The following PLXNA4 variants were observed in gnomAD, a reference collection of about 807,000 sequenced individuals.
The protein encoded by PLXNA4 is plexin-A4.
In PLXNA4, 44 loss-of-function variants were observed where a neutral mutation model predicts 191.8. The ratio of observed to expected loss-of-function variants is 0.23; its 90% CI spans 0.18 to 0.29. The LOEUF (loss-of-function observed/expected upper bound fraction) is 0.29, where lower values mean the gene tolerates loss of function less well. PLXNA4 is among the 10% of genes least tolerant of loss of function. The probability of loss-of-function intolerance (pLI) is 1.00; values close to 1 mark genes in which losing one functional copy is unlikely to be tolerated. For missense variants in PLXNA4, 1,800 were observed against 2,488.8 expected (o/e 0.72, Z 5.89); for synonymous variants, 1,082 against 1,009.5 (o/e 1.07, Z -1.36).
chr7:132,616,596 CT>C (rs1371511966), intron 2 of PLXNA4, among the ~76,000 whole-genome samples: 1 of 152,170 alleles, frequency 6.6e-6, no homozygotes, highest in African/African-American at 2.4e-5. Flanking sequence ...ATCACATAAA[CT>C]ACATGTCTAA....
At chr7:132,479,577 G>A (rs1797259421) in intron 3 of PLXNA4, among the ~76,000 whole-genome samples, 1 of 152,246 alleles carries the variant, frequency 6.6e-6, no homozygotes, top group African/African-American at 2.4e-5. Context: ...GGGAGAGAAT[G>A]CCGCCCGGCA....
chr7:132,612,391 T>C (rs1803066560), intron 2 of PLXNA4, among the ~76,000 whole-genome samples: 1 of 152,154 alleles, frequency 6.6e-6, no homozygotes, highest in Non-Finnish European at 1.5e-5. Flanking sequence ...CCAGGCGCGG[T>C]GGCTCATGAC....
At chr7:132,166,091 G>T (rs1284070909) in intron 22 of PLXNA4, among the ~76,000 whole-genome samples, 1 of 151,982 alleles carries the variant, frequency 6.6e-6, no homozygotes, top group African/African-American at 2.4e-5. Context: ...CAGCTACTTG[G>T]GAGGCTGAGG....
At chr7:132,562,988 C>CCCTTCTCCTCCTT (rs1563175167) in intron 1 of PLXNA4, among the ~76,000 whole-genome samples, 2 of 67,356 alleles carry the variant, frequency 3.0e-5, no homozygotes, top group African/African-American at 1.9e-4. Context: ...TCCTCCTTCT[C>CCCTTCTCCTCCTT]CTCCTCCTCC....
intron 4 of PLXNA4, among the ~76,000 whole-genome samples, chr7:132,265,357 T>TTAAC (rs1799809352): frequency 2.0e-5 from 3 of 152,210 alleles, no homozygotes; most frequent in Non-Finnish European, 4.4e-5. Flanking sequence ...TATCCCAAGC[T>TTAAC]AAGTACTGTG....
intron 9 of PLXNA4, among the ~76,000 whole-genome samples, chr7:132,219,122 C>T (rs2116936827): frequency 6.6e-6 from 1 of 152,344 alleles, no homozygotes; most frequent in South Asian, 2.1e-4. Context: ...CAAAAGGACA[C>T]TGTCTGCATC....
At chr7:132,211,687 G>A (rs1797806618) in intron 9 of PLXNA4, among the ~76,000 whole-genome samples, 1 of 152,170 alleles carries the variant, frequency 6.6e-6, no homozygotes, top group Admixed American at 6.5e-5. Flanking sequence ...TTCTGGAATG[G>A]GCCCCAGAGG....
chr7:132,153,985 G>C (rs1252326405), intron 25 of PLXNA4, among the ~76,000 whole-genome samples: 1 of 152,166 alleles, frequency 6.6e-6, no homozygotes, highest in East Asian at 1.9e-4. Context: ...AGGGTGGAAG[G>C]AGCCACTAAC....
intron 3 of PLXNA4, among the ~76,000 whole-genome samples, chr7:132,392,687 A>G (rs1431612787): frequency 1.3e-5 from 2 of 152,212 alleles, no homozygotes; most frequent in African/African-American, 4.8e-5. Context: ...TTACTGTGGC[A>G]ACAGCCAGGC....
intron 3 of PLXNA4, among the ~76,000 whole-genome samples, chr7:132,343,949 G>A (rs1233280979): frequency 1.3e-5 from 2 of 152,122 alleles, no homozygotes; most frequent in African/African-American, 4.8e-5. Context: ...TGCACAAGCA[G>A]GTACTACCTC....
chr7:132,592,807 A>T (rs991504725), intron 2 of PLXNA4, among the ~76,000 whole-genome samples: 6 of 152,050 alleles, frequency 3.9e-5, no homozygotes, highest in African/African-American at 1.4e-4. Context: ...AAGCAAGGCT[A>T]AGGCAGTTAA....
intron 3 of PLXNA4, among the ~76,000 whole-genome samples, chr7:132,461,301 C>A (rs1353968824): frequency 6.6e-6 from 1 of 152,124 alleles, no homozygotes; most frequent in Admixed American, 6.5e-5. Flanking sequence ...GCATGAATGG[C>A]TGAAGTTAAA....
chr7:132,512,410 G>A (rs1372092926), intron 1 of PLXNA4, among the ~76,000 whole-genome samples: 7 of 152,176 alleles, frequency 4.6e-5, no homozygotes, highest in African/African-American at 1.7e-4. Context: ...ATTAGGCACT[G>A]AAAGGAGACA....
chr7:132,168,463 C>A lies in PLXNA4; in HGVS notation c.4127G>T (p.Arg1376Leu), dbSNP rs750458788. Residue 1376 changes from arginine to leucine, a missense_variant, in exon 22 of 32, where the codon CGT becomes CTT. Physicochemically the swap from Arg to Leu is moderately radical, Grantham distance 102. Transcript: ENST00000321063. Reference protein sequence around the residue: ...LSFIRTLESQRSFSMRDRGNV... With the variant: ...LSFIRTLESQLSFSMRDRGNV... ...GCCACGGTCGCGCATGGAGAAGCTA[C>A]GCTGGGACTCAAGCGTGCGGATGAA... The A allele has an allele frequency of 1.9e-6, 3 of 1,614,036 alleles. No individual in the cohort carries two copies. In the East Asian group the frequency reaches 6.7e-5, roughly 36 times the overall value.
chr7:132,452,541 G>T (rs543709262), intron 3 of PLXNA4, among the ~76,000 whole-genome samples: 1 of 152,194 alleles, frequency 6.6e-6, no homozygotes, highest in Non-Finnish European at 1.5e-5. Flanking sequence ...TCCCTGCAAG[G>T]CTCATTAGTG....
chr7:132,277,542 T>C (rs1800326424), intron 4 of PLXNA4, among the ~76,000 whole-genome samples: 1 of 152,116 alleles, frequency 6.6e-6, no homozygotes, highest in Non-Finnish European at 1.5e-5. Context: ...TCCTACGGTG[T>C]CCTGAACAGA....
chr7:132,640,787 A>G lies in PLXNA4; in HGVS notation c.-87+5141T>C, dbSNP rs397890981. On this transcript the variant is annotated intron_variant, in intron 2 of 4. Coordinates refer to the PLXNA4 transcript ENST00000378539. The stretch of plus-strand genomic sequence containing the variant: ...TCTTATGTCTACTGAAAAAAAAAAA[A>G]GGGGGGGGCCCTGCCAATTAAACAC... 1.5e-3 allele frequency among the ~76,000 whole-genome samples: 177 copies of G among 114,844 alleles called. 1 individual carries two copies. Among genetic ancestry groups the G allele is most frequent in the Middle Eastern group, 0.014 (3 of 222 alleles). The allele number at this position is 114,844 out of a possible 152,430, so 75.3% of individuals were successfully genotyped here.
At chr7:132,185,800 G>T (rs964174654) in intron 15 of PLXNA4, among the ~76,000 whole-genome samples, 1 of 152,170 alleles carries the variant, frequency 6.6e-6, no homozygotes, top group African/African-American at 2.4e-5. Flanking sequence ...CAAGAATCAC[G>T]TTAAGTTGGT....
intron 3 of PLXNA4, among the ~76,000 whole-genome samples, chr7:132,317,636 A>G (rs978360160): frequency 3.3e-5 from 5 of 152,234 alleles, no homozygotes; most frequent in African/African-American, 1.2e-4. Flanking sequence ...ATTCACTAGC[A>G]TAGGATCCAA....
Sources: allele counts gnomAD v4.1 joint callset (sites outside exome capture counted in the v4.1 genomes callset), GRCh38; gene constraint gnomAD v4.1.1; transcripts MANE v1.5; gene names NCBI Gene and HGNC (gene_info 2026-07-23, HGNC 2026-07-21).